Variants in RORA observed in about 807,000 individuals in gnomAD.
RORA encodes the protein nuclear receptor ROR-alpha.
Under a neutral mutation model 69.5 loss-of-function variants are expected in RORA, and 7 were observed. The ratio of observed to expected loss-of-function variants is 0.10; its 90% CI spans 0.06 to 0.19. The LOEUF (loss-of-function observed/expected upper bound fraction) is 0.19, where lower values mean the gene tolerates loss of function less well. Among genes scored for constraint, RORA ranks in the 10% least tolerant of loss-of-function variants. RORA has a pLI of 1.00. For missense variants in RORA, 457 were observed against 663.0 expected (o/e 0.69, Z 3.41); for synonymous variants, 261 against 240.8 (o/e 1.08, Z -0.78).
At chr15:60,743,264 CT>C (rs1469633384) in intron 1 of RORA, among the ~76,000 whole-genome samples, 1 of 152,096 alleles carries the variant, frequency 6.6e-6, no homozygotes, top group African/African-American at 2.4e-5. Flanking sequence ...ATCCGACCGC[CT>C]CGGCCTCCTA....
At chr15:61,220,855 T>C (rs1450451534) in intron 1 of RORA, among the ~76,000 whole-genome samples, 1 of 152,120 alleles carries the variant, frequency 6.6e-6, no homozygotes, top group Non-Finnish European at 1.5e-5. Flanking sequence ...CATTTCAGAG[T>C]CAATGCTAAT....
intron 1 of RORA, among the ~76,000 whole-genome samples, chr15:61,043,452 G>T (rs1396645659): frequency 1.3e-5 from 2 of 152,172 alleles, no homozygotes; most frequent in East Asian, 1.9e-4. Context: ...ACATAACCAA[G>T]AAGTGCTACA....
At position 60,592,313 on chromosome 15, in the gene RORA, T is replaced by C. The variant is rs1596027515; in HGVS notation, c.197-60462A>G. Reference sequence around the variant, plus strand: ...GCGTTCGGGCAGGCGCGCCCACCCCTCCCCCTGCGCGCCCTCCTCCCCGCC... The same window carrying C: ...GCGTTCGGGCAGGCGCGCCCACCCCCCCCCCTGCGCGCCCTCCTCCCCGCC... On this transcript the variant is annotated intron_variant, in intron 2 of 10. Coordinates refer to ENST00000335670, the MANE Select transcript of RORA (RefSeq NM_134261.3). 6.5e-6 allele frequency: 7 copies of C among 1,083,386 alleles called. No individual in the cohort carries two copies. The South Asian group carries it at 7.3e-5, about 11-fold the overall frequency. 67.1% of individuals were successfully genotyped at this position (1,083,386 alleles called of 1,614,324 possible).
At chr15:60,966,391 G>A (rs1342638906) in intron 1 of RORA, among the ~76,000 whole-genome samples, 1 of 152,138 alleles carries the variant, frequency 6.6e-6, no homozygotes, top group East Asian at 1.9e-4. Context: ...TGGAAGATGA[G>A]TTTTATTTCC....
At chr15:60,815,231 GAATAAT>G (rs780017121) in intron 1 of RORA, among the ~76,000 whole-genome samples, 128 of 152,116 alleles carry the variant, frequency 8.4e-4, no homozygotes, top group Middle Eastern at 3.4e-3. Flanking sequence ...TTATTACTTG[GAATAAT>G]AATAATAGTT....
intron 3 of RORA, among the ~76,000 whole-genome samples, chr15:60,527,416 G>A (rs991617543): frequency 1.3e-5 from 2 of 152,202 alleles, no homozygotes. Context: ...TCACTTTGAA[G>A]ATTGAACTTT....
chr15:60,565,441 T>C (rs993996076), intron 2 of RORA, among the ~76,000 whole-genome samples: 2 of 152,194 alleles, frequency 1.3e-5, no homozygotes, highest in African/African-American at 4.8e-5. Flanking sequence ...TGCTGAATAA[T>C]GAAATAAATT....
At chr15:61,173,683 T>A (rs1310198975) in intron 1 of RORA, among the ~76,000 whole-genome samples, 2 of 152,158 alleles carry the variant, frequency 1.3e-5, no homozygotes, top group Non-Finnish European at 2.9e-5. Flanking sequence ...TGAGATGGGG[T>A]CCTGCTCTGC....
chr15:60,622,815 A>T (rs981323430), intron 2 of RORA, among the ~76,000 whole-genome samples: 1 of 152,124 alleles, frequency 6.6e-6, no homozygotes, highest in Non-Finnish European at 1.5e-5. Flanking sequence ...TCCTGGGCTC[A>T]GGTGATTCTT....
intron 1 of RORA, among the ~76,000 whole-genome samples, chr15:60,689,207 G>T (rs1217086395): frequency 6.6e-6 from 1 of 152,162 alleles, no homozygotes; most frequent in African/African-American, 2.4e-5. Context: ...AAAGGTATAG[G>T]CAGTGCAAAG....
At chr15:61,053,847 T>TGA (rs2078049245) in intron 1 of RORA, among the ~76,000 whole-genome samples, 1 of 3,414 alleles carries the variant, frequency 2.9e-4, no homozygotes, top group African/African-American at 8.3e-4. Flanking sequence ...TTAGACTTCA[T>TGA]GATATATATA....
intron 1 of RORA, among the ~76,000 whole-genome samples, chr15:61,214,445 G>A (rs1376290221): frequency 4.6e-5 from 7 of 152,174 alleles, no homozygotes; most frequent in Non-Finnish European, 7.4e-5. Context: ...AAGCAAATTC[G>A]CTTTCAATAT....
chr15:61,104,699 G>A (rs1389113413), intron 1 of RORA, among the ~76,000 whole-genome samples: 2 of 152,190 alleles, frequency 1.3e-5, no homozygotes, highest in African/African-American at 4.8e-5. Flanking sequence ...AGCAGGTAGA[G>A]TTCCTCCTGC....
chr15:61,106,564 AC>A (rs1196362558), intron 1 of RORA, among the ~76,000 whole-genome samples: 3 of 151,570 alleles, frequency 2.0e-5, no homozygotes, highest in Admixed American at 2.0e-4. Context: ...AAATCACACA[AC>A]CCCCATGAAG....
intron 1 of RORA, among the ~76,000 whole-genome samples, chr15:60,786,243 T>C (rs1026260708): frequency 6.6e-6 from 1 of 152,232 alleles, no homozygotes; most frequent in African/African-American, 2.4e-5. Flanking sequence ...TAAATACATC[T>C]GTCCCTCCAT....
At chr15:60,646,994 AG>A (rs2070057817) in intron 2 of RORA, among the ~76,000 whole-genome samples, 1 of 152,182 alleles carries the variant, frequency 6.6e-6, no homozygotes, top group Admixed American at 6.5e-5. Flanking sequence ...ACCTGTTGGT[AG>A]GAGGTGTTTA....
intron 2 of RORA, among the ~76,000 whole-genome samples, chr15:60,635,275 T>C (rs2069815081): frequency 6.6e-6 from 1 of 152,214 alleles, no homozygotes; most frequent in Admixed American, 6.5e-5. Flanking sequence ...TTATTCTTAG[T>C]AGGAAGAATG....
chr15:60,842,896 G>A lies in RORA; in HGVS notation c.167-164210C>T, dbSNP rs1182433223. ...GTAGATGGGCAGTGAGTGCCAGCCCGCCACATCTGCTGAGTGAGAGTGGGT... is the reference window on the plus strand; with the variant it reads ...GTAGATGGGCAGTGAGTGCCAGCCCACCACATCTGCTGAGTGAGAGTGGGT... On this transcript the variant is annotated intron_variant, in intron 1 of 10. Coordinates refer to ENST00000335670, the MANE Select transcript of RORA (RefSeq NM_134261.3). 7.9e-5 allele frequency among the ~76,000 whole-genome samples: 12 copies of A among 152,300 alleles called. No homozygotes were observed. The South Asian group carries it at 8.3e-4, about 11-fold the overall frequency.
intron 1 of RORA, among the ~76,000 whole-genome samples, chr15:60,880,700 G>A (rs897208310): frequency 3.9e-5 from 6 of 152,270 alleles, no homozygotes; most frequent in African/African-American, 1.4e-4. Flanking sequence ...GTTAGTTTAT[G>A]GATTTGTTGT....
Sources: gnomAD v4.1 joint callset for allele counts (sites outside exome capture counted in the v4.1 genomes callset) on GRCh38, gnomAD v4.1.1 for gene constraint, MANE v1.5 for transcripts, NCBI Gene and HGNC (gene_info 2026-07-23, HGNC 2026-07-21) for gene names.